UBE2K: variants seen among roughly 807,000 people sequenced by gnomAD.
UBE2K encodes ubiquitin-conjugating enzyme E2 K.
A neutral mutation model predicts 30.0 loss-of-function variants in UBE2K; 6 were observed. The observed-to-expected ratio is 0.20, with a 90% CI of 0.11 to 0.39. UBE2K has a LOEUF of 0.39. Among genes scored for constraint, UBE2K ranks in the 10% least tolerant of loss-of-function variants. The pLI, the probability that UBE2K is intolerant of heterozygous loss-of-function variation, is 1.00. For synonymous variants in UBE2K, 86 were observed against 83.7 expected, an observed-to-expected ratio of 1.03 and a Z score of -0.15; for missense variants, 61 against 241.6, an observed-to-expected ratio of 0.25 and a Z score of 4.96.
intron 1 of UBE2K, among the ~76,000 whole-genome samples, chr4:39,709,477 A>G (rs912157882): frequency 2.6e-5 from 4 of 152,218 alleles, no homozygotes; most frequent in Admixed American, 1.3e-4. Context: ...ATAAGTGAGT[A>G]TAGTACAATA....
intron 1 of UBE2K, among the ~76,000 whole-genome samples, chr4:39,707,687 A>G (rs1032853495): frequency 6.6e-6 from 1 of 150,474 alleles, no homozygotes; most frequent in East Asian, 2.0e-4. Flanking sequence ...ACACCTGGCT[A>G]ATTTTTATTT....
intron 4 of UBE2K, among the ~76,000 whole-genome samples, chr4:39,759,286 T>A (rs1711717707): frequency 1.3e-5 from 2 of 151,400 alleles, no homozygotes; most frequent in South Asian, 4.2e-4. Flanking sequence ...ATTATTATTA[T>A]TTTTTTTTGA....
At chr4:39,723,784 A>T (rs896195606) in intron 1 of UBE2K, among the ~76,000 whole-genome samples, 1 of 151,362 alleles carries the variant, frequency 6.6e-6, no homozygotes, top group Non-Finnish European at 1.5e-5. Context: ...TGTGTTAATA[A>T]TGGGTACTGT....
intron 1 of UBE2K, among the ~76,000 whole-genome samples, chr4:39,736,162 CAAA>C (rs758825623): frequency 6.6e-6 from 1 of 150,798 alleles, no homozygotes; most frequent in Non-Finnish European, 1.5e-5. Flanking sequence ...GAATTCTAAC[CAAA>C]AAAAATGAAG....
At chr4:39,704,601 G>A (rs1015039942) in intron 1 of UBE2K, among the ~76,000 whole-genome samples, 9 of 151,950 alleles carry the variant, frequency 5.9e-5, no homozygotes, top group African/African-American at 1.9e-4. Flanking sequence ...ATGCAGTGGC[G>A]TGATCACAGT....
intron 2 of UBE2K, among the ~76,000 whole-genome samples, chr4:39,743,890 T>A (rs375215375): frequency 9.2e-5 from 14 of 152,200 alleles, no homozygotes; most frequent in African/African-American, 2.9e-4. Context: ...TGAGATAGAT[T>A]CTTGCTCTGT....
At chr4:39,706,135 C>G (rs1311484283) in intron 1 of UBE2K, among the ~76,000 whole-genome samples, 1 of 152,124 alleles carries the variant, frequency 6.6e-6, no homozygotes, top group African/African-American at 2.4e-5. Flanking sequence ...CCTCAGCCTC[C>G]TGAGTAGCTG....
intron 2 of UBE2K, among the ~76,000 whole-genome samples, chr4:39,740,862 CA>C (rs57382171): frequency 0.016 from 1,115 of 69,818 alleles, 11 homozygotes; most frequent in South Asian, 0.13. Flanking sequence ...GACTCCGTCT[CA>C]AAAAAAAAAA....
rs1264854079 is a variant in UBE2K, at chr4:39,777,770, C to A, written c.488C>A (p.Thr163Asn). ...GCACCAGTTTCTAGTCCAGAATACA[C>A]CAAAAAAATAGAAAACCTATGTGCT... ...AGAPVSSPEY[T>N]KKIENLCAMG... The change falls in exon 6 of 7, where the codon ACC becomes AAC. Residue 163 changes from threonine (T) to asparagine (N), a missense_variant. Physicochemically the swap from Thr to Asn is moderately conservative, Grantham distance 65. Transcript: ENST00000261427. The A allele has an allele frequency of 3.9e-6, 6 of 1,548,494 alleles. No homozygotes were observed. Among genetic ancestry groups the A allele is most frequent in the Non-Finnish European group, 4.3e-6 (5 of 1,156,816 alleles).
intron 4 of UBE2K, among the ~76,000 whole-genome samples, chr4:39,757,719 G>C (rs1467715577): frequency 6.6e-6 from 1 of 152,106 alleles, no homozygotes; most frequent in Non-Finnish European, 1.5e-5. Context: ...TATCGCCAAG[G>C]CCTCTAAAAG....
chr4:39,740,575 T>C (rs563209144), intron 2 of UBE2K, among the ~76,000 whole-genome samples: 1 of 150,386 alleles, frequency 6.6e-6, no homozygotes, highest in East Asian at 2.0e-4. Context: ...TAAGATATAT[T>C]CTTATGGCCG....
At chr4:39,761,125 C>T (rs1711913202) in intron 4 of UBE2K, 1 of 152,100 alleles carries the variant, frequency 6.6e-6, no homozygotes, top group African/African-American at 2.4e-5. Flanking sequence ...TTAAGTTGGG[C>T]ATAAGTATGG....
chr4:39,725,256 A>C (rs1221309619), intron 1 of UBE2K, among the ~76,000 whole-genome samples: 1 of 151,670 alleles, frequency 6.6e-6, no homozygotes, highest in Non-Finnish European at 1.5e-5. Flanking sequence ...GGTGTCATGC[A>C]CCTGTACTCA....
At chr4:39,747,357 T>C (rs1199777628) in intron 3 of UBE2K, among the ~76,000 whole-genome samples, 1 of 152,198 alleles carries the variant, frequency 6.6e-6, no homozygotes, top group African/African-American at 2.4e-5. Flanking sequence ...AACTCCCCAT[T>C]ATTCCCCGCT....
At position 39,780,383 on chromosome 4, in the gene UBE2K, T is replaced by C. The variant is rs889950246; in HGVS notation, c.*1949T>C. 2 of 152,138 alleles carry C rather than the reference T, an allele frequency of 1.3e-5. No homozygotes were observed. Among genetic ancestry groups the C allele is most frequent in the Non-Finnish European group, 2.9e-5 (2 of 67,978 alleles). The allele number at this position is 152,138 out of a possible 1,614,324, so 9.4% of individuals were successfully genotyped here. On this transcript the variant is annotated 3_prime_UTR_variant, in exon 7 of 7. Coordinates refer to ENST00000261427, the MANE Select transcript of UBE2K (RefSeq NM_005339.5). ...AAATATCAGACACATCTACCCAGTT[T>C]ATTTTTTGCCTGTATTATCAGGGTA...
intron 2 of UBE2K, among the ~76,000 whole-genome samples, chr4:39,744,395 A>G (rs984632137): frequency 7.2e-6 from 1 of 139,556 alleles, no homozygotes; most frequent in Non-Finnish European, 1.5e-5. Context: ...GATGGTCTCG[A>G]TCTCCTGACC....
At chr4:39,744,644 C>T (rs192985411) in intron 2 of UBE2K, among the ~76,000 whole-genome samples, 3 of 151,370 alleles carry the variant, frequency 2.0e-5, no homozygotes, top group African/African-American at 2.4e-5. Flanking sequence ...CAGTGGCTCA[C>T]GCCTGTGATC....
intron 4 of UBE2K, among the ~76,000 whole-genome samples, chr4:39,773,814 G>A (rs545060900): frequency 6.6e-6 from 1 of 152,088 alleles, no homozygotes; most frequent in South Asian, 2.1e-4. Context: ...CCAGCTACTC[G>A]GGAGGCTGAG....
In UBE2K at chr4:39,757,004, TTTTTTTG is replaced by T. The variant is rs960246342; in HGVS notation, c.299+1293_299+1299del. On this transcript the variant is annotated intron_variant, in intron 4 of 6. Transcript: ENST00000261427. Reference sequence around the variant, plus strand: ...TTAAGCTATGTTTTTTTGGGTGTTTTTTTTTTGTTTTTTGTTTTTTGTTTTTTGTTTT... The same window carrying T: ...TTAAGCTATGTTTTTTTGGGTGTTTTTTTTTTGTTTTTTGTTTTTTGTTTT... 2.2e-3 allele frequency among the ~76,000 whole-genome samples: 306 copies of T among 137,898 alleles called. 15 individuals are homozygous for T. The highest frequency in any genetic ancestry group is 3.9e-3 in the Non-Finnish European group (248 of 64,366). The allele number at this position is 137,898 out of a possible 152,430, so 90.5% of individuals were successfully genotyped here.
Sources: allele counts gnomAD v4.1 joint callset (sites outside exome capture counted in the v4.1 genomes callset), GRCh38; gene constraint gnomAD v4.1.1; transcripts MANE v1.5; gene names NCBI Gene and HGNC (gene_info 2026-07-23, HGNC 2026-07-21).